The following LEKR1 variants were observed in gnomAD, a reference collection of about 807,000 sequenced individuals.
LEKR1 encodes leucine, glutamate and lysine rich 1, also known as protein LEKR1.
A neutral mutation model predicts 72.4 loss-of-function variants in LEKR1; 59 were observed. That is an observed-to-expected ratio of 0.82 (90% CI 0.66 to 1.01). The LOEUF (loss-of-function observed/expected upper bound fraction) is 1.01, where lower values mean the gene tolerates loss of function less well. LEKR1 is among the 50% of genes least tolerant of loss of function. LEKR1 has a pLI of 0.00. For synonymous variants in LEKR1, 257 were observed against 263.2 expected (o/e 0.98, Z 0.23); for missense variants, 728 against 759.2 (o/e 0.96, Z 0.48).
chr3:157,023,971 A>G (rs373276789), intron 10 of LEKR1, among the ~76,000 whole-genome samples: 3 of 152,200 alleles, frequency 2.0e-5, no homozygotes, highest in African/African-American at 7.2e-5. Flanking sequence ...TGAAAACACA[A>G]TATCTAAAAA....
intron 4 of LEKR1, among the ~76,000 whole-genome samples, chr3:156,921,455 T>A (rs1452171385): frequency 6.6e-6 from 1 of 152,158 alleles, no homozygotes; most frequent in Non-Finnish European, 1.5e-5. Flanking sequence ...CATTTTCTGA[T>A]AATAACCTAT....
intron 10 of LEKR1, chr3:157,017,702 G>T (rs1464835817): frequency 1.3e-5 from 2 of 152,128 alleles, no homozygotes; most frequent in African/African-American, 4.8e-5. Flanking sequence ...ACTTTGGGAG[G>T]CCGAGGCAGG....
intron 2 of LEKR1, among the ~76,000 whole-genome samples, chr3:156,839,114 T>C (rs1258161304): frequency 6.6e-6 from 1 of 152,232 alleles, no homozygotes; most frequent in Non-Finnish European, 1.5e-5. Flanking sequence ...TGTTGTTTTG[T>C]GCAAATGTAG....
At chr3:156,973,066 A>G (rs1019307378) in intron 6 of LEKR1, among the ~76,000 whole-genome samples, 2 of 152,168 alleles carry the variant, frequency 1.3e-5, no homozygotes, top group African/African-American at 2.4e-5. Flanking sequence ...GATAATATCA[A>G]TGAAAACTGC....
chr3:156,884,002 T>C (rs1202964821), intron 3 of LEKR1, among the ~76,000 whole-genome samples: 1 of 152,240 alleles, frequency 6.6e-6, no homozygotes, highest in African/African-American at 2.4e-5. Context: ...ATTTTCTTAC[T>C]GGACTATTTT....
intron 7 of LEKR1, among the ~76,000 whole-genome samples, chr3:156,982,798 G>A (rs1277155322): frequency 6.6e-6 from 1 of 151,344 alleles, no homozygotes; most frequent in East Asian, 1.9e-4. Flanking sequence ...AACATATATG[G>A]ATATAAAATA....
rs1020994599 is a variant in LEKR1 at position 156,924,353 on chromosome 3, A to G, written c.384-3076A>G. On this transcript the variant is annotated intron_variant, in intron 4 of 12. Coordinates refer to ENST00000356539, the MANE Select transcript of LEKR1 (RefSeq NM_001004316.3). ...TTATGTGATTGTAAGAGTTCTTTCT[A>G]TATTCTGGGTATAAGGCCTTTATAT... 4.6e-5 allele frequency: 19 copies of G among 409,312 alleles called. No individual in the cohort carries two copies. In the Admixed American group the frequency reaches 7.3e-4, roughly 16 times the overall value. 25.4% of individuals were successfully genotyped at this position (409,312 alleles called of 1,614,324 possible).
At chr3:156,896,837 A>G (rs766250783) in intron 3 of LEKR1, among the ~76,000 whole-genome samples, 3 of 152,216 alleles carry the variant, frequency 2.0e-5, no homozygotes, top group African/African-American at 7.2e-5. Flanking sequence ...AAAATGTAGT[A>G]TATTATACAC....
At chr3:156,929,001 G>T (rs1342693463) in intron 5 of LEKR1, among the ~76,000 whole-genome samples, 1 of 151,914 alleles carries the variant, frequency 6.6e-6, no homozygotes, top group East Asian at 1.9e-4. Flanking sequence ...GATATAATTA[G>T]CTAACCAGGA....
At chr3:156,973,509 A>C (rs1040980517) in intron 6 of LEKR1, among the ~76,000 whole-genome samples, 45 of 152,288 alleles carry the variant, frequency 3.0e-4, no homozygotes, top group African/African-American at 1.0e-3. Flanking sequence ...ATTAAGAATA[A>C]TCAACAGAAC....
In LEKR1 at chr3:156,921,497, A is replaced by G. The variant is rs545814959; in HGVS notation, c.383+803A>G. Among the ~76,000 whole-genome samples, 143 of 152,284 alleles carry G rather than the reference A, an allele frequency of 9.4e-4. No homozygotes were observed. The South Asian group carries it at 0.014, about 15-fold the overall frequency. ...TCTACCTTTTACAAATGCTTTGCAC[A>G]TAACTGATGCTCAATACATAATTTT... On this transcript the variant is annotated intron_variant, in intron 4 of 12. Coordinates refer to ENST00000356539, the MANE Select transcript of LEKR1 (RefSeq NM_001004316.3).
chr3:156,933,779 A>T (rs1036023233), intron 5 of LEKR1, among the ~76,000 whole-genome samples: 1 of 152,230 alleles, frequency 6.6e-6, no homozygotes, highest in Non-Finnish European at 1.5e-5. Context: ...CATAGCTGGG[A>T]ACAGTTATAT....
At chr3:156,978,016 C>T (rs144583385) in intron 6 of LEKR1, among the ~76,000 whole-genome samples, 3 of 152,248 alleles carry the variant, frequency 2.0e-5, no homozygotes, top group South Asian at 2.1e-4. Flanking sequence ...CTCTCCTTAC[C>T]ATGGGTGACC....
chr3:156,907,032 T>C (rs528311938), intron 3 of LEKR1, among the ~76,000 whole-genome samples: 2 of 152,268 alleles, frequency 1.3e-5, no homozygotes, highest in East Asian at 1.9e-4. Context: ...ATTTTTTCCA[T>C]TTATAAACCT....
intron 3 of LEKR1, among the ~76,000 whole-genome samples, chr3:156,857,857 C>A (rs1576675482): frequency 6.6e-6 from 1 of 152,236 alleles, no homozygotes; most frequent in East Asian, 1.9e-4. Context: ...TTGTGGCATA[C>A]AGACTAGGTT....
intron 3 of LEKR1, among the ~76,000 whole-genome samples, chr3:156,918,446 G>A (rs1233101206): frequency 2.6e-5 from 4 of 152,054 alleles, no homozygotes; most frequent in Non-Finnish European, 5.9e-5. Flanking sequence ...TCCTGTTCCT[G>A]GCCTGGAATG....
chr3:156,963,766 A>G (rs2107985693), intron 6 of LEKR1, among the ~76,000 whole-genome samples: 1 of 152,342 alleles, frequency 6.6e-6, no homozygotes, highest in East Asian at 1.9e-4. Flanking sequence ...ACTAAGGCCT[A>G]GAGGAATTCA....
chr3:157,022,714 G>A (rs1184921246), intron 10 of LEKR1, among the ~76,000 whole-genome samples: 1 of 152,142 alleles, frequency 6.6e-6, no homozygotes, highest in Non-Finnish European at 1.5e-5. Flanking sequence ...AGGCAAAGTG[G>A]ATTTAAGTAC....
chr3:157,045,343 A>G lies in LEKR1; in HGVS notation c.1672A>G (p.Thr558Ala). Reference protein sequence around the residue: ...EQFNQSQEENTFLQETVRREC... With the variant: ...EQFNQSQEENAFLQETVRREC... ...CTTTTCCCCTCTCTCTTTTCAGAATACTTTTCTTCAGGAGACAGTGCGTAG... is the reference window on the plus strand; with the variant it reads ...CTTTTCCCCTCTCTCTTTTCAGAATGCTTTTCTTCAGGAGACAGTGCGTAG... The change falls in exon 13 of 13, where the codon ACT (threonine) becomes GCT (alanine). Residue 558 changes from threonine (T) to alanine (A), a missense_variant. By Grantham distance (58) the Thr-to-Ala change is moderately conservative (BLOSUM62 0). Transcript: ENST00000356539. 6.2e-7 allele frequency: 1 copy of G among 1,604,986 alleles called. No individual in the cohort carries two copies. The highest frequency in any genetic ancestry group is 8.5e-7 in the Non-Finnish European group (1 of 1,174,102).
Sources: allele counts gnomAD v4.1 joint callset (sites outside exome capture counted in the v4.1 genomes callset), GRCh38; gene constraint gnomAD v4.1.1; transcripts MANE v1.5; gene names NCBI Gene and HGNC (gene_info 2026-07-23, HGNC 2026-07-21).